The following KIAA1217 variants were observed in gnomAD, a reference collection of about 807,000 sequenced individuals.
KIAA1217 encodes sickle tail protein homolog.
In KIAA1217, 88 loss-of-function variants were observed where a neutral mutation model predicts 163.9. The ratio of observed to expected loss-of-function variants is 0.54; its 90% CI spans 0.45 to 0.64. The LOEUF (loss-of-function observed/expected upper bound fraction) is 0.64. KIAA1217 is among the 30% of genes least tolerant of loss of function. The pLI is 0.00. For synonymous variants in KIAA1217, 903 were observed against 923.1 expected, an observed-to-expected ratio of 0.98 and a Z score of 0.39; for missense variants, 2,372 against 2,475.0, an observed-to-expected ratio of 0.96 and a Z score of 0.88.
intron 1 of KIAA1217, among the ~76,000 whole-genome samples, chr10:23,906,468 G>A (rs1842168329): frequency 6.6e-6 from 1 of 152,090 alleles, no homozygotes; most frequent in Non-Finnish European, 1.5e-5. Context: ...GTTTTTTATT[G>A]TTATGTGTGT....
intron 1 of KIAA1217, among the ~76,000 whole-genome samples, chr10:23,767,320 G>A (rs1005618674): frequency 2.0e-5 from 3 of 152,208 alleles, no homozygotes; most frequent in African/African-American, 7.2e-5. Flanking sequence ...TATGCATGTA[G>A]ATATCAATGT....
At chr10:23,848,996 C>T (rs560073924) in intron 1 of KIAA1217, among the ~76,000 whole-genome samples, 9 of 152,098 alleles carry the variant, frequency 5.9e-5, no homozygotes, top group Admixed American at 5.9e-4. Context: ...GAAATTGTGT[C>T]TATTTTCTAT....
intron 1 of KIAA1217, among the ~76,000 whole-genome samples, chr10:23,914,932 G>A (rs936024809): frequency 7.9e-5 from 12 of 152,170 alleles, no homozygotes; most frequent in South Asian, 2.1e-4. Flanking sequence ...GTGAGTAGAT[G>A]TAGGTTTGAG....
At chr10:24,436,623 T>G (rs915920536) in intron 4 of KIAA1217, among the ~76,000 whole-genome samples, 1 of 151,308 alleles carries the variant, frequency 6.6e-6, no homozygotes, top group African/African-American at 2.4e-5. Flanking sequence ...CCGGGCGTGG[T>G]GGCGGGCACC....
At chr10:24,137,585 A>G (rs1206167168) in intron 2 of KIAA1217, among the ~76,000 whole-genome samples, 1 of 152,212 alleles carries the variant, frequency 6.6e-6, no homozygotes, top group African/African-American at 2.4e-5. Flanking sequence ...CCTGAGTTCA[A>G]TTTTTAAGCA....
chr10:23,703,339 A>T (rs552337339), intron 1 of KIAA1217, among the ~76,000 whole-genome samples: 1 of 152,150 alleles, frequency 6.6e-6, no homozygotes, highest in Non-Finnish European at 1.5e-5. Flanking sequence ...ACATTGCCCT[A>T]TGTACTTCCT....
At chr10:24,315,931 G>GC (rs987143923) in intron 2 of KIAA1217, among the ~76,000 whole-genome samples, 1 of 66,908 alleles carries the variant, frequency 1.5e-5, no homozygotes, top group South Asian at 3.3e-4. Flanking sequence ...TTATCTAATG[G>GC]GGGGGGGGAA....
chr10:23,894,998 G>T (rs190789429), intron 1 of KIAA1217, among the ~76,000 whole-genome samples: 1 of 152,142 alleles, frequency 6.6e-6, no homozygotes, highest in African/African-American at 2.4e-5. Flanking sequence ...ATTCAAGATT[G>T]ATTAAAGACT....
At chr10:23,755,535 A>G (rs1338733198) in intron 1 of KIAA1217, among the ~76,000 whole-genome samples, 3 of 152,178 alleles carry the variant, frequency 2.0e-5, no homozygotes, top group Non-Finnish European at 4.4e-5. Context: ...ATGAATGTAA[A>G]TGGTCTTTTC....
intron 1 of KIAA1217, among the ~76,000 whole-genome samples, chr10:23,899,495 C>T (rs1382043289): frequency 2.0e-5 from 3 of 151,988 alleles, no homozygotes; most frequent in Non-Finnish European, 4.4e-5. Flanking sequence ...AAATATAAGT[C>T]GAGGGAAAGA....
At position 24,546,177 on chromosome 10, in the gene KIAA1217, C is replaced by T; in HGVS notation, c.5685C>T (p.Ser1895=). The change falls in exon 21 of 21, where the codon TCC becomes TCT. Residue 1895 remains serine (S), a synonymous_variant. Coordinates refer to ENST00000376454, the MANE Select transcript of KIAA1217 (RefSeq NM_019590.5). ...GRAPPPLSFS[S]SPPSPASSVS... is the part of the protein sequence containing the mutation. ...CACCCCCTCCTTTGTCATTTTCCTC[C>T]TCCCCTCCTTCTCCTGCCTCCTCCG... The T allele has an allele frequency of 6.2e-7, 1 of 1,614,160 alleles. No homozygotes were observed. The highest frequency in any genetic ancestry group is 1.1e-5 in the South Asian group (1 of 91,074).
At chr10:24,455,954 T>C (rs1050226654) in intron 5 of KIAA1217, among the ~76,000 whole-genome samples, 2 of 152,096 alleles carry the variant, frequency 1.3e-5, no homozygotes, top group African/African-American at 4.8e-5. Flanking sequence ...AGTGGTGCAG[T>C]GGTTCACTGC....
intron 1 of KIAA1217, among the ~76,000 whole-genome samples, chr10:23,967,729 C>G (rs1845126206): frequency 6.6e-6 from 1 of 152,028 alleles, no homozygotes; most frequent in South Asian, 2.1e-4. Context: ...TTTTCATTAA[C>G]AGAAAAATTC....
At chr10:24,417,521 A>G (rs961890409) in intron 3 of KIAA1217, among the ~76,000 whole-genome samples, 17 of 152,188 alleles carry the variant, frequency 1.1e-4, no homozygotes, top group African/African-American at 3.9e-4. Context: ...TTTCCCTAAA[A>G]TATTCCCCTG....
At chr10:23,889,964 C>T (rs1175261406) in intron 1 of KIAA1217, among the ~76,000 whole-genome samples, 2 of 151,708 alleles carry the variant, frequency 1.3e-5, no homozygotes, top group African/African-American at 4.8e-5. Flanking sequence ...TAGGTTAACC[C>T]TGGCCTCAGA....
intron 9 of KIAA1217, among the ~76,000 whole-genome samples, chr10:24,502,240 CTTT>C (rs772404852): frequency 0.016 from 1,303 of 80,664 alleles, 19 homozygotes; most frequent in African/African-American, 0.054. Flanking sequence ...GTCAGCCAAG[CTTT>C]TTTTTTTTTT....
At position 24,520,237 on chromosome 10, in the gene KIAA1217, T is replaced by C. The variant is rs756679097; in HGVS notation, c.2292T>C (p.Ala764=). 12 of 1,614,010 alleles carry C rather than the reference T, an allele frequency of 7.4e-6. No homozygotes were observed. The South Asian group carries it at 1.2e-4, about 16-fold the overall frequency. ...TCCTCCTGCGTCAAGTGGGAGAGGC[T>C]GTAGCTACCCTGAAAGGTAAACTTT... ...GAFLLRQVGE[A]VATLKGEFPT... is the part of the protein sequence containing the mutation. Residue 764 remains alanine, a synonymous_variant, in exon 11 of 21, where the codon GCT becomes GCC. Coordinates refer to ENST00000376454, the MANE Select transcript of KIAA1217 (RefSeq NM_019590.5).
chr10:24,089,511 T>C (rs565443076), intron 2 of KIAA1217, among the ~76,000 whole-genome samples: 3 of 73,652 alleles, frequency 4.1e-5, no homozygotes, highest in South Asian at 4.8e-4. Context: ...GCTTTCTACA[T>C]GTGGCTAGCC....
chr10:23,901,639 C>T (rs946373571), intron 1 of KIAA1217, among the ~76,000 whole-genome samples: 5 of 151,888 alleles, frequency 3.3e-5, no homozygotes, highest in South Asian at 2.1e-4. Context: ...CTAGGCATGG[C>T]GGCTCATTCT....
Sources: gnomAD v4.1 joint callset for allele counts (sites outside exome capture counted in the v4.1 genomes callset) on GRCh38, gnomAD v4.1.1 for gene constraint, MANE v1.5 for transcripts, NCBI Gene and HGNC (gene_info 2026-07-23, HGNC 2026-07-21) for gene names.